TMEM30B: variants seen among roughly 807,000 people sequenced by gnomAD.
TMEM30B encodes cell division cycle 50 P4-ATPase accessory subunit B.
In TMEM30B, 25 loss-of-function variants were observed where a neutral mutation model predicts 27.9. The ratio of observed to expected loss-of-function variants is 0.89; its 90% CI spans 0.65 to 1.25. TMEM30B has a LOEUF of 1.25. Among genes scored for constraint, TMEM30B ranks in the 50% most tolerant of loss-of-function variants. TMEM30B has a pLI of 0.00. For synonymous variants in TMEM30B, 248 were observed against 238.5 expected (o/e 1.04, Z -0.37); for missense variants, 536 against 506.5 (o/e 1.06, Z -0.56).
At position 61,280,883 on chromosome 14, in the gene TMEM30B, G is replaced by A. The variant is rs758325280; in HGVS notation, c.265C>T (p.Pro89Ser). ...CAAAGQGRAL[P>S]PPCSCAWYFS... Reference sequence around the variant, plus strand: ...TACCAGGCGCACGAGCAGGGGGGCGGCAGCGCCCGGCCCTGGCCAGCCGCG... The same window carrying A: ...TACCAGGCGCACGAGCAGGGGGGCGACAGCGCCCGGCCCTGGCCAGCCGCG... Residue 89 changes from proline (P) to serine (S), a missense_variant, in exon 1 of 1, where the codon CCG becomes TCG. Coordinates refer to ENST00000555868, the MANE Select transcript of TMEM30B (RefSeq NM_001017970.3). The surrounding 1 kb of genome is among the most constrained non-coding windows in gnomAD (Gnocchi z 5.0). The A allele has an allele frequency of 6.4e-7, 1 of 1,555,060 alleles. No individual in the cohort carries two copies.
rs2140090545 is a variant in TMEM30B at position 61,278,685 on chromosome 14, T to C, written c.*1407A>G. ...GGTAAGATGATATCACAAAGGGTTT[T>C]AAGTTATTTTGCTATACAAGGTTTT... On this transcript the variant is annotated 3_prime_UTR_variant, in exon 1 of 1. Coordinates refer to ENST00000555868, the MANE Select transcript of TMEM30B (RefSeq NM_001017970.3). The C allele has an allele frequency of 6.6e-6, 1 of 152,286 alleles. No individual in the cohort carries two copies. 9.4% of individuals were successfully genotyped at this position (152,286 alleles called of 1,614,324 possible).
Position 61,277,578 on chromosome 14 carries a change from GTTTCCC to G in TMEM30B, c.*2508_*2513del, listed in dbSNP as rs1222515701. 1 of 152,158 alleles carries G rather than the reference GTTTCCC, an allele frequency of 6.6e-6. No homozygotes were observed. Among genetic ancestry groups the G allele is most frequent in the Non-Finnish European group, 1.5e-5 (1 of 68,036 alleles). The allele number at this position is 152,158 out of a possible 1,614,324, so 9.4% of individuals were successfully genotyped here. On this transcript the variant is annotated 3_prime_UTR_variant, in exon 1 of 1. Transcript: ENST00000555868. ...AGCACAGGGATCATTGCAGGAAAAC[GTTTCCC>G]ATTTCAGTTTTAAAGTTTCTGCTGC...
At position 61,278,523 on chromosome 14, in the gene TMEM30B, C is replaced by G. The variant is rs1243972049; in HGVS notation, c.*1569G>C. On this transcript the variant is annotated 3_prime_UTR_variant, in exon 1 of 1. Transcript: ENST00000555868. ...TTCAATACAATTCAATATTACTTAA[C>G]TGCTAAAAAGTACTTCAAGATCTTG... The G allele has an allele frequency of 1.3e-5, 2 of 152,174 alleles. No individual in the cohort carries two copies. The highest frequency in any genetic ancestry group is 2.9e-5 in the Non-Finnish European group (2 of 68,040). 9.4% of individuals were successfully genotyped at this position (152,174 alleles called of 1,614,324 possible).
In TMEM30B at chr14:61,279,937, G is replaced by C; in HGVS notation, c.*155C>G. 1.5e-6 allele frequency: 1 copy of C among 678,646 alleles called. No homozygotes were observed. The highest frequency in any genetic ancestry group is 2.5e-6 in the Non-Finnish European group (1 of 405,040). 42.0% of individuals were successfully genotyped at this position (678,646 alleles called of 1,614,324 possible). A position where few individuals can be genotyped will look rare whatever the true frequency, so the allele number is the denominator to read the frequency against. On this transcript the variant is annotated 3_prime_UTR_variant, in exon 1 of 1. Coordinates refer to ENST00000555868, the MANE Select transcript of TMEM30B (RefSeq NM_001017970.3). ...GCAAGACAGTCTAGCAGCCCCCCAAGAGCAAGGGGGGTAATTCCCTTATCT... is the reference window on the plus strand; with the variant it reads ...GCAAGACAGTCTAGCAGCCCCCCAACAGCAAGGGGGGTAATTCCCTTATCT...
In TMEM30B at chr14:61,280,335, C is replaced by T. The variant is rs1201236590; in HGVS notation, c.813G>A (p.Gln271=). 1.2e-6 allele frequency: 2 copies of T among 1,613,924 alleles called. No individual in the cohort carries two copies. Among genetic ancestry groups the T allele is most frequent in the East Asian group, 2.2e-5 (1 of 44,874 alleles). ...GCGGCAGCCCGGCCGAGTAGTTGCC[C>T]TGGCGGATGCGCGCGTACAGTTTGC... ...TFRKLYARIR[Q]GNYSAGLPRG... The change falls in exon 1 of 1, where the codon CAG becomes CAA. Residue 271 remains glutamine, a synonymous_variant. Coordinates refer to ENST00000555868, the MANE Select transcript of TMEM30B (RefSeq NM_001017970.3). The surrounding 1 kb of genome is among the most constrained non-coding windows in gnomAD (Gnocchi z 5.0).
rs2045216513 is a variant in TMEM30B, at chr14:61,277,722, G to A, written c.*2370C>T. ...TTTATTAAATTCAAACAGTATTTGA[G>A]GACTATCTAGTTTATATACATGTTG... On this transcript the variant is annotated 3_prime_UTR_variant, in exon 1 of 1. Coordinates refer to ENST00000555868, the MANE Select transcript of TMEM30B (RefSeq NM_001017970.3). 6.6e-6 allele frequency: 1 copy of A among 152,112 alleles called. No homozygotes were observed. Among genetic ancestry groups the A allele is most frequent in the South Asian group, 2.1e-4 (1 of 4,824 alleles). The allele number at this position is 152,112 out of a possible 1,614,324, so 9.4% of individuals were successfully genotyped here.
chr14:61,279,148 G>C lies in TMEM30B; in HGVS notation c.*944C>G, dbSNP rs1594887631. Reference sequence around the variant, plus strand: ...CTGTACAAACTGGCCTCACATTTTCGAGTTTCTACACAGTACCTGGCAAAG... The same window carrying C: ...CTGTACAAACTGGCCTCACATTTTCCAGTTTCTACACAGTACCTGGCAAAG... On this transcript the variant is annotated 3_prime_UTR_variant, in exon 1 of 1. Coordinates refer to ENST00000555868, the MANE Select transcript of TMEM30B (RefSeq NM_001017970.3). 1 of 152,136 alleles carries C rather than the reference G, an allele frequency of 6.6e-6. No homozygotes were observed. Among genetic ancestry groups the C allele is most frequent in the East Asian group, 1.9e-4 (1 of 5,184 alleles). 9.4% of individuals were successfully genotyped at this position (152,136 alleles called of 1,614,324 possible). A position where few individuals can be genotyped will look rare whatever the true frequency, so the allele number is the denominator to read the frequency against.
chr14:61,280,127 G>GA lies in TMEM30B; in HGVS notation c.1020dup (p.Arg341SerfsTer53), dbSNP rs758996575. On this transcript the variant is annotated frameshift_variant, in exon 1 of 1. Coordinates refer to ENST00000555868, the MANE Select transcript of TMEM30B (RefSeq NM_001017970.3). LOFTEE classifies it high-confidence loss of function. This position sits in a 1 kb window ranked among gnomAD's most constrained non-coding sequence, Gnocchi z 5.0. ...TCGTCGTCGTCCTGGTCCTGGTAGC[G>GA]AATGTAGACGACCAGCATGACAAAG... is the stretch of plus-strand genomic sequence containing the variant. The GA allele has an allele frequency of 3.7e-6, 6 of 1,613,712 alleles. No individual in the cohort carries two copies. The African/African-American group carries it at 8.0e-5, about 22-fold the overall frequency.
In TMEM30B at chr14:61,278,353, T is replaced by G. The variant is rs940678052; in HGVS notation, c.*1739A>C. On this transcript the variant is annotated 3_prime_UTR_variant, in exon 1 of 1. Coordinates refer to ENST00000555868, the MANE Select transcript of TMEM30B (RefSeq NM_001017970.3). Reference sequence around the variant, plus strand: ...GAGTTGGGAAGCCAACACATTAAATTAACAAAGTATTTTTGGTATATGTAA... The same window carrying G: ...GAGTTGGGAAGCCAACACATTAAATGAACAAAGTATTTTTGGTATATGTAA... 5 of 152,216 alleles carry G rather than the reference T, an allele frequency of 3.3e-5. No individual in the cohort carries two copies. The highest frequency in any genetic ancestry group is 1.2e-4 in the African/African-American group (5 of 41,460). 9.4% of individuals were successfully genotyped at this position (152,216 alleles called of 1,614,324 possible). A position where few individuals can be genotyped will look rare whatever the true frequency, so the allele number is the denominator to read the frequency against.
chr14:61,281,079 G>C lies in TMEM30B; in HGVS notation c.69C>G (p.Leu23=). Residue 23 remains leucine (L), a synonymous_variant, in exon 1 of 1, where the codon CTC becomes CTG. Coordinates refer to ENST00000555868, the MANE Select transcript of TMEM30B (RefSeq NM_001017970.3). ...CCGACAGCAGCGGCTGCCAGGCGGGGAGGCGCTGCTGAGTGAAGGCGGTGT... is the reference window on the plus strand; with the variant it reads ...CCGACAGCAGCGGCTGCCAGGCGGGCAGGCGCTGCTGAGTGAAGGCGGTGT... ...PDNTAFTQQR[L]PAWQPLLSAS... The C allele has an allele frequency of 6.6e-7, 1 of 1,517,294 alleles. No homozygotes were observed. Among genetic ancestry groups the C allele is most frequent in the Non-Finnish European group, 8.8e-7 (1 of 1,136,802 alleles). The allele number at this position is 1,517,294 out of a possible 1,614,324, so 94.0% of individuals were successfully genotyped here.
chr14:61,280,872 G>T lies in TMEM30B; in HGVS notation c.276C>A (p.Cys92Ter). 6.4e-7 allele frequency: 1 copy of T among 1,565,546 alleles called. No individual in the cohort carries two copies. Residue 92 changes from cysteine to a stop codon, truncating the protein, a stop_gained, in exon 1 of 1, where the codon TGC (cysteine) becomes TGA (stop). Transcript: ENST00000555868. LOFTEE classifies it high-confidence loss of function. The surrounding 1 kb of genome is among the most constrained non-coding windows in gnomAD (Gnocchi z 5.0). ...GCAGCGAGAAGTACCAGGCGCACGA[G>T]CAGGGGGGCGGCAGCGCCCGGCCCT... ...AGQGRALPPP[C>*]SCAWYFSLPE...
Position 61,281,124 on chromosome 14 carries a change from C to G in TMEM30B, c.24G>C (p.Arg8=). MTWSATA[R]GAHQPDNTAF... ...CGGTGTTGTCGGGCTGGTGGGCGCC[C>G]CGGGCCGTGGCGCTCCAGGTCATGG... Residue 8 remains arginine, a synonymous_variant, in exon 1 of 1, where the codon CGG becomes CGC. Coordinates refer to ENST00000555868, the MANE Select transcript of TMEM30B (RefSeq NM_001017970.3). The G allele has an allele frequency of 7.1e-7, 1 of 1,413,980 alleles. No individual in the cohort carries two copies. Among genetic ancestry groups the G allele is most frequent in the Non-Finnish European group, 9.2e-7 (1 of 1,086,816 alleles). The allele number at this position is 1,413,980 out of a possible 1,614,324, so 87.6% of individuals were successfully genotyped here.
rs960271732 is a variant in TMEM30B at position 61,279,437 on chromosome 14, C to T, written c.*655G>A. Reference sequence around the variant, plus strand: ...CTTCAGGCCCAACCTGGTTCAGGGTCGTGATTCCCAAATTTGAGGGAATAT... The same window carrying T: ...CTTCAGGCCCAACCTGGTTCAGGGTTGTGATTCCCAAATTTGAGGGAATAT... On this transcript the variant is annotated 3_prime_UTR_variant, in exon 1 of 1. Coordinates refer to ENST00000555868, the MANE Select transcript of TMEM30B (RefSeq NM_001017970.3). 6.6e-6 allele frequency: 1 copy of T among 152,170 alleles called. No individual in the cohort carries two copies. Among genetic ancestry groups the T allele is most frequent in the Non-Finnish European group, 1.5e-5 (1 of 68,044 alleles). 9.4% of individuals were successfully genotyped at this position (152,170 alleles called of 1,614,324 possible).
In TMEM30B at chr14:61,278,785, ATTTTAG is replaced by A. The variant is rs1566803859; in HGVS notation, c.*1301_*1306del. 6.6e-6 allele frequency: 1 copy of A among 152,184 alleles called. No individual in the cohort carries two copies. Among genetic ancestry groups the A allele is most frequent in the Non-Finnish European group, 1.5e-5 (1 of 68,020 alleles). The allele number at this position is 152,184 out of a possible 1,614,324, so 9.4% of individuals were successfully genotyped here. On this transcript the variant is annotated 3_prime_UTR_variant, in exon 1 of 1. Coordinates refer to ENST00000555868, the MANE Select transcript of TMEM30B (RefSeq NM_001017970.3). ...GTTAATCAATAAAATCAATGGAATGATTTTAGTTGAGTGTAAACTTCATCTCAAAGG... is the reference window on the plus strand; with the variant it reads ...GTTAATCAATAAAATCAATGGAATGATTGAGTGTAAACTTCATCTCAAAGG...
chr14:61,281,289 CT>C lies in TMEM30B; in HGVS notation c.-143del. On this transcript the variant is annotated 5_prime_UTR_variant, in exon 1 of 1. Transcript: ENST00000555868. ...CTCAGGTGGGTTTTTGCCCGGGCCC[CT>C]CCTCTGCCTCCGTCACAGGTGAGTT... is the stretch of plus-strand genomic sequence containing the variant. 2.4e-6 allele frequency: 1 copy of C among 409,704 alleles called. No homozygotes were observed. 25.4% of individuals were successfully genotyped at this position (409,704 alleles called of 1,614,324 possible).
In TMEM30B at chr14:61,278,856, T is replaced by C. The variant is rs1291371432; in HGVS notation, c.*1236A>G. Reference sequence around the variant, plus strand: ...AGAATCTAGTTTACATATAAGACTATATATGCTTTAACATTGATTCAAATA... The same window carrying C: ...AGAATCTAGTTTACATATAAGACTACATATGCTTTAACATTGATTCAAATA... On this transcript the variant is annotated 3_prime_UTR_variant, in exon 1 of 1. Coordinates refer to ENST00000555868, the MANE Select transcript of TMEM30B (RefSeq NM_001017970.3). 1 of 152,162 alleles carries C rather than the reference T, an allele frequency of 6.6e-6. No individual in the cohort carries two copies. The highest frequency in any genetic ancestry group is 1.5e-5 in the Non-Finnish European group (1 of 68,038). The allele number at this position is 152,162 out of a possible 1,614,324, so 9.4% of individuals were successfully genotyped here. A position where few individuals can be genotyped will look rare whatever the true frequency, so the allele number is the denominator to read the frequency against.
Position 61,280,780 on chromosome 14 carries a change from C to A in TMEM30B, c.368G>T (p.Arg123Leu). 6.4e-7 allele frequency: 1 copy of A among 1,555,436 alleles called. No homozygotes were observed. The highest frequency in any genetic ancestry group is 1.2e-5 in the South Asian group (1 of 82,828). ...ELTNFYQNNR[R>L]YGVSRDDAQL... is the part of the protein sequence containing the mutation. ...CGCGTCGTCGCGGGACACGCCGTAG[C>A]GCCGGTTGTTCTGGTAGAAGTTGGT... Residue 123 changes from arginine to leucine, a missense_variant, in exon 1 of 1, where the codon CGC becomes CTC. By Grantham distance (102) the Arg-to-Leu change is moderately radical. Coordinates refer to ENST00000555868, the MANE Select transcript of TMEM30B (RefSeq NM_001017970.3). This position sits in a 1 kb window ranked among gnomAD's most constrained non-coding sequence, Gnocchi z 5.0.
Position 61,280,515 on chromosome 14 carries a change from C to A in TMEM30B, c.633G>T (p.Leu211=), listed in dbSNP as rs1160202163. Residue 211 remains leucine (L), a synonymous_variant, in exon 1 of 1, where the codon CTG becomes CTT. Coordinates refer to ENST00000555868, the MANE Select transcript of TMEM30B (RefSeq NM_001017970.3). This position sits in a 1 kb window ranked among gnomAD's most constrained non-coding sequence, Gnocchi z 5.0. ...AGGCCAACGCCAGGCTGCCGTTGAC[C>A]AGCGGCGGGTTGCGGAACTTGACGT... ...DYHVKFRNPP[L]VNGSLALAFQ... is the part of the protein sequence containing the mutation. 6.2e-7 allele frequency: 1 copy of A among 1,612,738 alleles called. No individual in the cohort carries two copies. The highest frequency in any genetic ancestry group is 8.5e-7 in the Non-Finnish European group (1 of 1,179,576).
In TMEM30B at chr14:61,279,330, TGCCAGACCA is replaced by T. The variant is rs968829698; in HGVS notation, c.*753_*761del. On this transcript the variant is annotated 3_prime_UTR_variant, in exon 1 of 1. Transcript: ENST00000555868. ...AGAGCTTCCTACGTTCAAGGCAGAG[TGCCAGACCA>T]AACCTGGAACATCATGGTTGTCACT... 1.3e-5 allele frequency: 2 copies of T among 152,176 alleles called. No homozygotes were observed. Among genetic ancestry groups the T allele is most frequent in the Non-Finnish European group, 2.9e-5 (2 of 68,030 alleles). 9.4% of individuals were successfully genotyped at this position (152,176 alleles called of 1,614,324 possible).
Sources: allele counts gnomAD v4.1 joint callset, GRCh38; gene constraint gnomAD v4.1.1; non-coding constraint Gnocchi (gnomAD v3.1); transcripts MANE v1.5; gene names NCBI Gene and HGNC (gene_info 2026-07-23, HGNC 2026-07-21).